Variants in FBXO4 observed in about 807,000 individuals in gnomAD.
The protein encoded by FBXO4 is F-box protein 4.
In FBXO4, 36 loss-of-function variants were observed where a neutral mutation model predicts 43.7. That is an observed-to-expected ratio of 0.82 (90% CI 0.63 to 1.09). The LOEUF is 1.09. Ranked by LOEUF, FBXO4 falls within the 50% of genes least tolerant of loss-of-function variation. FBXO4 has a pLI of 0.00. For synonymous variants in FBXO4, 180 were observed against 165.6 expected, an observed-to-expected ratio of 1.09 and a Z score of -0.67; for missense variants, 435 against 474.1, an observed-to-expected ratio of 0.92 and a Z score of 0.77.
chr5:42,035,317 T>C, the FBXO4 span, among the ~76,000 whole-genome samples: 3 of 152,092 alleles, frequency 2.0e-5, no homozygotes, highest in Non-Finnish European at 2.9e-5. Flanking sequence ...GCTTTATTTC[T>C]TTCTCTAGCC....
At chr5:42,034,028 T>G in the FBXO4 span, among the ~76,000 whole-genome samples, 1 of 152,204 alleles carries the variant, frequency 6.6e-6, no homozygotes, top group Non-Finnish European at 1.5e-5. Flanking sequence ...CAGCATCTAT[T>G]GTTTTTGACT....
chr5:41,972,929 A>T, the FBXO4 span, among the ~76,000 whole-genome samples: 1 of 152,230 alleles, frequency 6.6e-6, no homozygotes, highest in African/African-American at 2.4e-5. Context: ...CTCAAAATGC[A>T]TTAAAGACTT....
At chr5:42,026,559 T>C in the FBXO4 span, among the ~76,000 whole-genome samples, 1 of 151,860 alleles carries the variant, frequency 6.6e-6, no homozygotes, top group Non-Finnish European at 1.5e-5. Context: ...TATTTCTTCC[T>C]CTTTTCTGAC....
the FBXO4 span, among the ~76,000 whole-genome samples, chr5:41,978,072 G>A: frequency 1.3e-5 from 2 of 152,132 alleles, no homozygotes; most frequent in African/African-American, 4.8e-5. Flanking sequence ...CTTCTGGTGA[G>A]GGCCTCAGGA....
chr5:41,954,948 A>G, the FBXO4 span, among the ~76,000 whole-genome samples: 44 of 152,346 alleles, frequency 2.9e-4, 1 homozygote, highest in Admixed American at 1.4e-3. Flanking sequence ...TAGAAAAACT[A>G]TAATTCAAAA....
chr5:42,013,083 T>A, the FBXO4 span, among the ~76,000 whole-genome samples: 1 of 152,010 alleles, frequency 6.6e-6, no homozygotes, highest in Non-Finnish European at 1.5e-5. Context: ...GGCAGGAGGA[T>A]CACTTGAGGC....
At chr5:42,022,631 G>A in the FBXO4 span, among the ~76,000 whole-genome samples, 1 of 152,000 alleles carries the variant, frequency 6.6e-6, no homozygotes, top group African/African-American at 2.4e-5. Flanking sequence ...TCTGACAGAC[G>A]GCATTATCTT....
At chr5:41,993,766 C>T in the FBXO4 span, among the ~76,000 whole-genome samples, 1 of 151,926 alleles carries the variant, frequency 6.6e-6, no homozygotes, top group Non-Finnish European at 1.5e-5. Context: ...AGTTCCAAAA[C>T]TGAGGAACTT....
chr5:42,029,950 C>T, the FBXO4 span, among the ~76,000 whole-genome samples: 2,440 of 151,768 alleles, frequency 0.016, 121 homozygotes, highest in East Asian at 0.1. Flanking sequence ...CTCAATGAAA[C>T]AAAAGAGGAT....
At chr5:41,962,960 A>G in the FBXO4 span, among the ~76,000 whole-genome samples, 2 of 152,086 alleles carry the variant, frequency 1.3e-5, no homozygotes, top group African/African-American at 2.4e-5. Flanking sequence ...CTTCACTCCA[A>G]AGAGAGGTGT....
At chr5:42,006,494 C>A in the FBXO4 span, among the ~76,000 whole-genome samples, 1 of 151,870 alleles carries the variant, frequency 6.6e-6, no homozygotes, top group Non-Finnish European at 1.5e-5. Context: ...AACACCTTGG[C>A]AACATGGAGT....
At chr5:42,005,147 AGAG>A in the FBXO4 span, among the ~76,000 whole-genome samples, 3 of 152,198 alleles carry the variant, frequency 2.0e-5, no homozygotes, top group African/African-American at 7.2e-5. Context: ...AAGGCAAAGT[AGAG>A]AAGAGAAGAT....
chr5:41,935,898 A>G (rs1029474838), intron 5 of FBXO4, among the ~76,000 whole-genome samples: 1 of 152,254 alleles, frequency 6.6e-6, no homozygotes, highest in Non-Finnish European at 1.5e-5. Flanking sequence ...CTGGTACTCC[A>G]GTGCTGTTAC....
At chr5:42,029,934 C>T in the FBXO4 span, among the ~76,000 whole-genome samples, 17 of 152,098 alleles carry the variant, frequency 1.1e-4, no homozygotes, top group Middle Eastern at 3.4e-3. Context: ...GAACTACAAA[C>T]CACTGCTCAA....
chr5:41,957,854 T>C, the FBXO4 span, among the ~76,000 whole-genome samples: 1 of 152,102 alleles, frequency 6.6e-6, no homozygotes, highest in Non-Finnish European at 1.5e-5. Flanking sequence ...CAAATACATT[T>C]ACACTCAGAA....
chr5:41,970,592 T>A, the FBXO4 span, among the ~76,000 whole-genome samples: 3 of 151,610 alleles, frequency 2.0e-5, no homozygotes, highest in African/African-American at 7.3e-5. Flanking sequence ...AAAACCCTAA[T>A]AGATTAGTTT....
At chr5:41,952,866 C>T in the FBXO4 span, among the ~76,000 whole-genome samples, 1 of 152,112 alleles carries the variant, frequency 6.6e-6, no homozygotes, top group African/African-American at 2.4e-5. Context: ...CTAAAATTTT[C>T]ATTTTGTTAT....
At chr5:41,997,224 G>A in the FBXO4 span, among the ~76,000 whole-genome samples, 2 of 152,236 alleles carry the variant, frequency 1.3e-5, no homozygotes, top group Non-Finnish European at 2.9e-5. Context: ...TACAGCAGCT[G>A]CAATTGGAGT....
chr5:41,982,824 C>T, the FBXO4 span, among the ~76,000 whole-genome samples: 625 of 152,188 alleles, frequency 4.1e-3, 4 homozygotes, highest in African/African-American at 0.014. Flanking sequence ...CCCATCAACC[C>T]GTTATCTACA....
Sources: allele counts gnomAD v4.1 joint callset (sites outside exome capture counted in the v4.1 genomes callset), GRCh38; gene constraint gnomAD v4.1.1; transcripts MANE v1.5; gene names NCBI Gene and HGNC (gene_info 2026-07-23, HGNC 2026-07-21).